The following CELSR3 variants were observed in gnomAD, a reference collection of about 807,000 sequenced individuals.
CELSR3 encodes cadherin EGF LAG seven-pass G-type receptor 3, also known as EGF-like protein 1.
Under a neutral mutation model 270.0 loss-of-function variants are expected in CELSR3, and 73 were observed. The ratio of observed to expected loss-of-function variants is 0.27; its 90% CI spans 0.22 to 0.33. The LOEUF is 0.33. Among genes scored for constraint, CELSR3 ranks in the 10% least tolerant of loss-of-function variants. CELSR3 has a pLI of 1.00. For synonymous variants in CELSR3, 1,780 were observed against 1,905.4 expected, an observed-to-expected ratio of 0.93 and a Z score of 1.71; for missense variants, 3,614 against 4,533.8, an observed-to-expected ratio of 0.80 and a Z score of 5.83.
In CELSR3 at chr3:48,650,635, G is replaced by A; in HGVS notation, c.6371-54C>T. The A allele has an allele frequency of 7.0e-7, 1 of 1,425,798 alleles. No individual in the cohort carries two copies. The highest frequency in any genetic ancestry group is 9.6e-7 in the Non-Finnish European group (1 of 1,043,146). The allele number at this position is 1,425,798 out of a possible 1,614,324, so 88.3% of individuals were successfully genotyped here. ...CAGTCAGGGTACAGGGCAGTTGACA[G>A]CCACACCCACTGCCCCTCCACCACC... On this transcript the variant is annotated intron_variant, in intron 15 of 34. Transcript: ENST00000164024. This position sits in a 1 kb window ranked among gnomAD's most constrained non-coding sequence, Gnocchi z 5.1.
rs2077034701 is a variant in CELSR3 at position 48,657,823 on chromosome 3, G to A, written c.3749-475C>T. Among the ~76,000 whole-genome samples the A allele has an allele frequency of 6.6e-6, 1 of 152,160 alleles. No homozygotes were observed. The highest frequency in any genetic ancestry group is 1.5e-5 in the Non-Finnish European group (1 of 68,034). On this transcript the variant is annotated intron_variant, in intron 1 of 34. Transcript: ENST00000164024. The surrounding 1 kb of genome is among the most constrained non-coding windows in gnomAD (Gnocchi z 5.4). ...AAACATCCCCCTCCAGAAAAGAAGG[G>A]TTCCAGATCAGGGATCACCTATCTC...
In CELSR3 at chr3:48,644,149, C is replaced by T; in HGVS notation, c.8165+67G>A. On this transcript the variant is annotated intron_variant, in intron 27 of 34. Transcript: ENST00000164024. This position sits in a 1 kb window ranked among gnomAD's most constrained non-coding sequence, Gnocchi z 4.8. ...ACCTGCACCAGGGAAGATCTGGGGGCCCCAGACCCCACCCAGGAGGGACCT... is the reference window on the plus strand; with the variant it reads ...ACCTGCACCAGGGAAGATCTGGGGGTCCCAGACCCCACCCAGGAGGGACCT... 6.9e-7 allele frequency: 1 copy of T among 1,448,366 alleles called. No homozygotes were observed. Among genetic ancestry groups the T allele is most frequent in the Non-Finnish European group, 9.6e-7 (1 of 1,040,724 alleles). The allele number at this position is 1,448,366 out of a possible 1,614,324, so 89.7% of individuals were successfully genotyped here. A position where few individuals can be genotyped will look rare whatever the true frequency, so the allele number is the denominator to read the frequency against.
rs1158043090 is a variant in CELSR3 at position 48,651,087 on chromosome 3, T to C, written c.6187-12A>G. 1.3e-6 allele frequency: 2 copies of C among 1,551,692 alleles called. No individual in the cohort carries two copies. Among genetic ancestry groups the C allele is most frequent in the Non-Finnish European group, 1.7e-6 (2 of 1,149,294 alleles). On this transcript the variant is annotated splice_polypyrimidine_tract_variant and intron_variant, in intron 14 of 34. Transcript: ENST00000164024. The surrounding 1 kb of genome is among the most constrained non-coding windows in gnomAD (Gnocchi z 7.4). ...CGGTAGTGGAACTCCTGTTTGAGGA[T>C]GGGCCAGGGGCCTGAAGTCAGAGGT...
chr3:48,639,813 G>A lies in CELSR3; in HGVS notation c.9772C>T (p.Leu3258Phe), dbSNP rs759067015. The A allele has an allele frequency of 6.2e-7, 1 of 1,613,922 alleles. No homozygotes were observed. Among genetic ancestry groups the A allele is most frequent in the Admixed American group, 1.7e-5 (1 of 60,026 alleles). ...SILASFNSSA[L>F]SSVQSSSTPL... ...GTGCTTGAAGATTGCACAGAGGAGA[G>A]GGCCGAGGAGTTGAAAGAGGCAAGG... is the stretch of plus-strand genomic sequence containing the variant. Residue 3258 changes from leucine (L) to phenylalanine (F), a missense_variant, in exon 34 of 35, where the codon CTC becomes TTC. Leu to Phe is a conservative substitution (Grantham distance 22). This residue lies in a region of CELSR3 where 1,240 missense variants were observed against 1,351.7 expected (regional missense o/e 0.92). Coordinates refer to ENST00000164024, the MANE Select transcript of CELSR3 (RefSeq NM_001407.3). The surrounding 1 kb of genome is among the most constrained non-coding windows in gnomAD (Gnocchi z 4.1).
In CELSR3 at chr3:48,640,768, T is replaced by G; in HGVS notation, c.9026-209A>C. On this transcript the variant is annotated intron_variant, in intron 33 of 34. Transcript: ENST00000164024. This position sits in a 1 kb window ranked among gnomAD's most constrained non-coding sequence, Gnocchi z 7.5. ...AGTGGAAGGGCAGTCATCTTCCAGT[T>G]GTGGTCCCGGGGCAGGGGGAGGGCG... The G allele has an allele frequency of 7.3e-6, 3 of 408,964 alleles. No individual in the cohort carries two copies. The highest frequency in any genetic ancestry group is 4.5e-5 in the Admixed American group (1 of 22,196). The allele number at this position is 408,964 out of a possible 1,614,324, so 25.3% of individuals were successfully genotyped here.
At position 48,644,072 on chromosome 3, in the gene CELSR3, C is replaced by A; in HGVS notation, c.8165+144G>T. 1 of 663,410 alleles carries A rather than the reference C, an allele frequency of 1.5e-6. No individual in the cohort carries two copies. Among genetic ancestry groups the A allele is most frequent in the Non-Finnish European group, 2.6e-6 (1 of 378,074 alleles). The allele number at this position is 663,410 out of a possible 1,614,324, so 41.1% of individuals were successfully genotyped here. ...TATAGCGAGGGCGCCAGAGAGGGAC[C>A]ACAGGTCAGGGCAGGTGTGACTTCA... On this transcript the variant is annotated intron_variant, in intron 27 of 34. Coordinates refer to ENST00000164024, the MANE Select transcript of CELSR3 (RefSeq NM_001407.3). The surrounding 1 kb of genome is among the most constrained non-coding windows in gnomAD (Gnocchi z 4.8).
chr3:48,650,433 A>AGGGGGGGGGG lies in CELSR3; in HGVS notation c.6472+46_6472+47insCCCCCCCCCC. On this transcript the variant is annotated intron_variant, in intron 16 of 34. Transcript: ENST00000164024. This position sits in a 1 kb window ranked among gnomAD's most constrained non-coding sequence, Gnocchi z 5.1. ...GACATGGCTCTAGCAGTCAGAGTAC[A>AGGGGGGGGGG]GGCCCACCCCCACCCTCAGTGATGT... is the stretch of plus-strand genomic sequence containing the variant. The AGGGGGGGGGG allele has an allele frequency of 3.2e-5, 30 of 927,764 alleles. No individual in the cohort carries two copies. Among genetic ancestry groups the AGGGGGGGGGG allele is most frequent in the East Asian group, 1.3e-4 (4 of 31,400 alleles). 57.5% of individuals were successfully genotyped at this position (927,764 alleles called of 1,614,324 possible). A position where few individuals can be genotyped will look rare whatever the true frequency, so the allele number is the denominator to read the frequency against.
At position 48,650,772 on chromosome 3, in the gene CELSR3, A is replaced by T; in HGVS notation, c.6370+120T>A. ...GGCAAAGGTAGGGTTCCCTGGGTGT[A>T]AGTGGTCTCCCTCAGGAGAAGCTTC... On this transcript the variant is annotated intron_variant, in intron 15 of 34. Transcript: ENST00000164024. This position sits in a 1 kb window ranked among gnomAD's most constrained non-coding sequence, Gnocchi z 5.1. 8.4e-7 allele frequency: 1 copy of T among 1,188,616 alleles called. No individual in the cohort carries two copies. The highest frequency in any genetic ancestry group is 1.2e-6 in the Non-Finnish European group (1 of 849,176). The allele number at this position is 1,188,616 out of a possible 1,614,324, so 73.6% of individuals were successfully genotyped here. A position where few individuals can be genotyped will look rare whatever the true frequency, so the allele number is the denominator to read the frequency against.
rs752431197 is a variant in CELSR3 at position 48,661,209 on chromosome 3, G to A, written c.1426C>T (p.Pro476Ser). The A allele has an allele frequency of 2.5e-6, 4 of 1,600,958 alleles. No individual in the cohort carries two copies. In the South Asian group the frequency reaches 4.4e-5, roughly 18 times the overall value. Residue 476 changes from proline (P) to serine (S), a missense_variant, in exon 1 of 35, where the codon CCA becomes TCA. Pro to Ser is a moderately conservative substitution (Grantham distance 74). Transcript: ENST00000164024. ...GCGGCAGCTGCAGCGCGCGCAGCTG[G>A]CGGCCCCACGAAGCGGTAGCGCAGG... ...ANLRYRFVGP[P>S]AARAAAAAAF...
chr3:48,639,651 G>A lies in CELSR3; in HGVS notation c.9911+23C>T, dbSNP rs895399052. The A allele has an allele frequency of 4.3e-6, 7 of 1,611,144 alleles. No homozygotes were observed. The highest frequency in any genetic ancestry group is 1.3e-5 in the African/African-American group (1 of 74,934). On this transcript the variant is annotated intron_variant, in intron 34 of 34. Transcript: ENST00000164024. The surrounding 1 kb of genome is among the most constrained non-coding windows in gnomAD (Gnocchi z 4.1). ...TTGCCCTAAGCTGATGAGGGTGCAAGCAGGTGGCTGGACCATACTTACTCT... is the reference window on the plus strand; with the variant it reads ...TTGCCCTAAGCTGATGAGGGTGCAAACAGGTGGCTGGACCATACTTACTCT...
At position 48,645,776 on chromosome 3, in the gene CELSR3, G is replaced by C. The variant is rs767221719; in HGVS notation, c.7556C>G (p.Thr2519Ser). The C allele has an allele frequency of 6.2e-7, 1 of 1,611,916 alleles. No homozygotes were observed. The highest frequency in any genetic ancestry group is 1.1e-5 in the South Asian group (1 of 91,066). Residue 2519 changes from threonine to serine, a missense_variant, in exon 23 of 35, where the codon ACC (threonine) becomes AGC (serine). By Grantham distance (58) the Thr-to-Ser change is moderately conservative (BLOSUM62 1). Around this residue, in one of 7 missense-constraint regions of CELSR3, gnomAD observed 1,240 missense variants for 1,351.7 expected, o/e 0.92. Coordinates refer to ENST00000164024, the MANE Select transcript of CELSR3 (RefSeq NM_001407.3). This position sits in a 1 kb window ranked among gnomAD's most constrained non-coding sequence, Gnocchi z 5.4. ...AGAGGCATCCATGAGGACCCCAAAG[G>C]TCCCTGTCCGGCTGCAGCGACACCG... ...HARCRCSRTG[T>S]FGVLMDASPR...
chr3:48,637,771 G>T lies in CELSR3; in HGVS notation c.*434C>A, dbSNP rs573957894. ...CTGACGATACTCAGATCAACTTGGG[G>T]GTGGAATAGGGGGAGGAAGGCATGT... On this transcript the variant is annotated 3_prime_UTR_variant, in exon 35 of 35. Coordinates refer to ENST00000164024, the MANE Select transcript of CELSR3 (RefSeq NM_001407.3). 7.1e-5 allele frequency: 12 copies of T among 169,584 alleles called. No individual in the cohort carries two copies. In the South Asian group the frequency reaches 2.0e-3, roughly 28 times the overall value. 10.5% of individuals were successfully genotyped at this position (169,584 alleles called of 1,614,324 possible).
chr3:48,651,016 C>T lies in CELSR3; in HGVS notation c.6246G>A (p.Val2082=). The change falls in exon 15 of 35, where the codon GTG becomes GTA. Residue 2082 remains valine, a synonymous_variant. Coordinates refer to ENST00000164024, the MANE Select transcript of CELSR3 (RefSeq NM_001407.3). This position sits in a 1 kb window ranked among gnomAD's most constrained non-coding sequence, Gnocchi z 7.4. The stretch of plus-strand genomic sequence containing the variant: ...GTGCACATGAGCGCGAGGTGGAGCC[C>T]ACAGGGTAGCAGTCACATGGGAGGC... ...DSCLPCDCYP[V]GSTSRSCAPH... 6.2e-7 allele frequency: 1 copy of T among 1,602,366 alleles called. No homozygotes were observed. Among genetic ancestry groups the T allele is most frequent in the Non-Finnish European group, 8.5e-7 (1 of 1,175,198 alleles).
Position 48,645,247 on chromosome 3 carries a change from C to T in CELSR3, c.7798-38G>A, listed in dbSNP as rs377325816. ...GGGCGTGTCAGGACCTCTCCTGCCTCACCCACCTCTGACCCCTACCCCAGG... is the reference window on the plus strand; with the variant it reads ...GGGCGTGTCAGGACCTCTCCTGCCTTACCCACCTCTGACCCCTACCCCAGG... On this transcript the variant is annotated intron_variant, in intron 24 of 34. Transcript: ENST00000164024. The surrounding 1 kb of genome is among the most constrained non-coding windows in gnomAD (Gnocchi z 5.4). 3.7e-4 allele frequency: 570 copies of T among 1,553,560 alleles called. 1 individual carries two copies. The highest frequency in any genetic ancestry group is 2.0e-3 in the Admixed American group (112 of 56,004).
At position 48,637,897 on chromosome 3, in the gene CELSR3, C is replaced by T. The variant is rs2046986858; in HGVS notation, c.*308G>A. On this transcript the variant is annotated 3_prime_UTR_variant, in exon 35 of 35. Coordinates refer to ENST00000164024, the MANE Select transcript of CELSR3 (RefSeq NM_001407.3). ...AAACTGCATCTCTCCCTCTATCTCC[C>T]TCCCCCTCCCAGCCCAGCCTCAAAC... is the stretch of plus-strand genomic sequence containing the variant. 2.5e-6 allele frequency: 1 copy of T among 394,088 alleles called. No homozygotes were observed. The highest frequency in any genetic ancestry group is 4.7e-6 in the Non-Finnish European group (1 of 212,190). The allele number at this position is 394,088 out of a possible 1,614,324, so 24.4% of individuals were successfully genotyped here. A position where few individuals can be genotyped will look rare whatever the true frequency, so the allele number is the denominator to read the frequency against.
Position 48,660,843 on chromosome 3 carries a change from G to C in CELSR3, c.1792C>G (p.Leu598Val), listed in dbSNP as rs1229514515. Residue 598 changes from leucine to valine, a missense_variant, in exon 1 of 35, where the codon CTC becomes GTC. Physicochemically the swap from Leu to Val is conservative, Grantham distance 32 (BLOSUM62 1). Around this residue, in one of 7 missense-constraint regions of CELSR3, gnomAD observed 354 missense variants for 500.9 expected, o/e 0.71. Coordinates refer to ENST00000164024, the MANE Select transcript of CELSR3 (RefSeq NM_001407.3). The surrounding 1 kb of genome is among the most constrained non-coding windows in gnomAD (Gnocchi z 5.5). Reference sequence around the variant, plus strand: ...GCCACCACCTGGATCTCGCCAGTGAGGCTGTCGATGGCAAAGTGTCCACGG... The same window carrying C: ...GCCACCACCTGGATCTCGCCAGTGACGCTGTCGATGGCAAAGTGTCCACGG... Reference protein sequence around the residue: ...NSRGHFAIDSLTGEIQVVAPL... With the variant: ...NSRGHFAIDSVTGEIQVVAPL... 2.5e-6 allele frequency: 4 copies of C among 1,614,006 alleles called. No individual in the cohort carries two copies. The highest frequency in any genetic ancestry group is 3.4e-6 in the Non-Finnish European group (4 of 1,179,996).
In CELSR3 at chr3:48,657,953, G is replaced by C. The variant is rs1204736615; in HGVS notation, c.3749-605C>G. Among the ~76,000 whole-genome samples the C allele has an allele frequency of 6.6e-6, 1 of 152,130 alleles. No individual in the cohort carries two copies. The highest frequency in any genetic ancestry group is 1.5e-5 in the Non-Finnish European group (1 of 68,026). ...AATCCTGGGTTATCAAGCTCCAGGG[G>C]GGTCTTGAACCCTGACATACACACA... On this transcript the variant is annotated intron_variant, in intron 1 of 34. Coordinates refer to ENST00000164024, the MANE Select transcript of CELSR3 (RefSeq NM_001407.3). The surrounding 1 kb of genome is among the most constrained non-coding windows in gnomAD (Gnocchi z 5.4).
Position 48,645,165 on chromosome 3 carries a change from G to A in CELSR3, c.7842C>T (p.Leu2614=), listed in dbSNP as rs1238455954. ...AVAILLHYFF[L]STFAWLFVQG... The stretch of plus-strand genomic sequence containing the variant: ...GCACGAAGAGCCACGCGAAGGTGCT[G>A]AGGAAGAAGTAGTGCAGGAGGATGG... The change falls in exon 25 of 35, where the codon CTC becomes CTT. Residue 2614 remains leucine, a synonymous_variant. Coordinates refer to ENST00000164024, the MANE Select transcript of CELSR3 (RefSeq NM_001407.3). This position sits in a 1 kb window ranked among gnomAD's most constrained non-coding sequence, Gnocchi z 5.4. 19 of 1,594,738 alleles carry A rather than the reference G, an allele frequency of 1.2e-5. No individual in the cohort carries two copies. The highest frequency in any genetic ancestry group is 1.6e-5 in the Non-Finnish European group (19 of 1,165,744).
In CELSR3 at chr3:48,660,150, G is replaced by C; in HGVS notation, c.2485C>G (p.Leu829Val). The change falls in exon 1 of 35, where the codon CTG becomes GTG. Residue 829 changes from leucine (L) to valine (V), a missense_variant. Transcript: ENST00000164024. The surrounding 1 kb of genome is among the most constrained non-coding windows in gnomAD (Gnocchi z 5.5). ...GCACGGTCAGATGCAGTTAGTACCA[G>C]CTTGAAGTAGCGTTCCTGCTTGTAG... Reference protein sequence around the residue: ...LDYKQERYFKLVLTASDRALH... With the variant: ...LDYKQERYFKVVLTASDRALH... 1 of 1,614,150 alleles carries C rather than the reference G, an allele frequency of 6.2e-7. No homozygotes were observed. The highest frequency in any genetic ancestry group is 8.5e-7 in the Non-Finnish European group (1 of 1,180,028).
Sources: gnomAD v4.1 joint callset for allele counts (sites outside exome capture counted in the v4.1 genomes callset) on GRCh38, gnomAD v4.1.1 for gene constraint, gnomAD v4.1.1 regional missense constraint, Gnocchi (gnomAD v3.1) non-coding constraint, MANE v1.5 for transcripts, NCBI Gene and HGNC (gene_info 2026-07-23, HGNC 2026-07-21) for gene names.